Variants in GABRB2 observed in about 807,000 individuals in gnomAD.
The protein encoded by GABRB2 is gamma-aminobutyric acid receptor subunit beta-2.
GABRB2 carries 16 observed loss-of-function variants against 54.7 expected under a neutral mutation model. That is an observed-to-expected ratio of 0.29 (90% CI 0.20 to 0.44). The LOEUF is 0.44. GABRB2 is among the 20% of genes least tolerant of loss of function. The probability of loss-of-function intolerance (pLI) is 1.00; values close to 1 mark genes in which losing one functional copy is unlikely to be tolerated. For synonymous variants in GABRB2, 244 were observed against 233.8 expected, an observed-to-expected ratio of 1.04 and a Z score of -0.40; for missense variants, 355 against 644.0, an observed-to-expected ratio of 0.55 and a Z score of 4.86.
chr5:161,518,068 A>G lies in GABRB2; in HGVS notation c.237+27159T>C, dbSNP rs140391209. ...CGTGATCGGCCCGCCCCAGCCTCCC[A>G]AAGTGCTAGGATTACCGGTGTGAGC... On this transcript the variant is annotated intron_variant, in intron 3 of 9. Transcript: ENST00000393959. Among the ~76,000 whole-genome samples the G allele has an allele frequency of 3.5e-3, 529 of 152,206 alleles. 5 individuals carry two copies. The highest frequency in any genetic ancestry group is 0.012 in the African/African-American group (494 of 41,544).
chr5:161,420,585 G>T (rs1376993127), intron 4 of GABRB2, among the ~76,000 whole-genome samples: 2 of 152,188 alleles, frequency 1.3e-5, no homozygotes, highest in African/African-American at 2.4e-5. Flanking sequence ...TGGCCAGGTT[G>T]CCCTGTCTTG....
intron 4 of GABRB2, among the ~76,000 whole-genome samples, chr5:161,434,035 C>T (rs1161565556): frequency 3.9e-5 from 6 of 151,984 alleles, no homozygotes; most frequent in South Asian, 2.1e-4. Context: ...CCTATGTATT[C>T]GAATTTTAGT....
intron 3 of GABRB2, among the ~76,000 whole-genome samples, chr5:161,510,863 A>G (rs929905985): frequency 1.3e-5 from 2 of 152,014 alleles, no homozygotes; most frequent in African/African-American, 4.8e-5. Context: ...GAGGATTTGT[A>G]TATCTCCAAG....
At chr5:161,501,205 A>G (rs1759428665) in intron 3 of GABRB2, among the ~76,000 whole-genome samples, 1 of 152,208 alleles carries the variant, frequency 6.6e-6, no homozygotes, top group Non-Finnish European at 1.5e-5. Flanking sequence ...CAAGAAAAAA[A>G]TCACAAAGAG....
intron 5 of GABRB2, among the ~76,000 whole-genome samples, chr5:161,358,144 T>C (rs1489021116): frequency 6.6e-6 from 1 of 151,876 alleles, no homozygotes; most frequent in Non-Finnish European, 1.5e-5. Flanking sequence ...TGAGAAAAAA[T>C]TATAAGTAAG....
At chr5:161,419,260 T>C (rs1756777581) in intron 4 of GABRB2, among the ~76,000 whole-genome samples, 1 of 152,152 alleles carries the variant, frequency 6.6e-6, no homozygotes, top group Non-Finnish European at 1.5e-5. Flanking sequence ...CATAATAAGA[T>C]ACCATCTCAT....
intron 4 of GABRB2, among the ~76,000 whole-genome samples, chr5:161,455,925 A>G (rs1757941703): frequency 6.6e-6 from 1 of 152,194 alleles, no homozygotes; most frequent in Non-Finnish European, 1.5e-5. Flanking sequence ...ATATTTTGCA[A>G]TACTTCTTTC....
chr5:161,299,778 A>T (rs904996306), intron 9 of GABRB2, among the ~76,000 whole-genome samples: 12 of 152,166 alleles, frequency 7.9e-5, no homozygotes, highest in Admixed American at 2.0e-4. Context: ...TCTCATTTAA[A>T]GATCTCATTT....
Position 161,508,029 on chromosome 5 carries a change from T to G in GABRB2, c.237+37198A>C, listed in dbSNP as rs191070659. Among the ~76,000 whole-genome samples, 51 of 152,060 alleles carry G rather than the reference T, an allele frequency of 3.4e-4. 1 individual carries two copies. The highest frequency in any genetic ancestry group is 1.2e-3 in the African/African-American group (48 of 41,528). ...TACCCAAGAGGAATGGAAACATATG[T>G]ATGCAAAAAGACTTGAACAAAAAAT... On this transcript the variant is annotated intron_variant, in intron 3 of 9. Transcript: ENST00000393959.
At chr5:161,443,729 G>T (rs1174660874) in intron 4 of GABRB2, among the ~76,000 whole-genome samples, 1 of 152,196 alleles carries the variant, frequency 6.6e-6, no homozygotes, top group Non-Finnish European at 1.5e-5. Context: ...GGCCACCCAT[G>T]TGGTGGACAC....
intron 3 of GABRB2, among the ~76,000 whole-genome samples, chr5:161,494,538 CGTGTGT>C (rs35292247): frequency 0.011 from 1,671 of 146,138 alleles, 24 homozygotes; most frequent in East Asian, 0.036. Context: ...GTTAGGTATG[CGTGTGT>C]GTGTGTGTGT....
intron 3 of GABRB2, among the ~76,000 whole-genome samples, chr5:161,520,001 A>G (rs981176580): frequency 1.1e-4 from 17 of 152,064 alleles, no homozygotes; most frequent in African/African-American, 3.6e-4. Flanking sequence ...TTTCCTCCTT[A>G]TCCAATGTTG....
intron 3 of GABRB2, among the ~76,000 whole-genome samples, chr5:161,463,588 T>TATAG (rs1561659595): frequency 2.5e-5 from 3 of 119,196 alleles, no homozygotes; most frequent in Non-Finnish European, 5.4e-5. Flanking sequence ...TATATATATA[T>TATAG]ATATATATAT....
intron 5 of GABRB2, among the ~76,000 whole-genome samples, chr5:161,405,970 CA>C (rs1756338073): frequency 6.6e-6 from 1 of 152,014 alleles, no homozygotes; most frequent in Non-Finnish European, 1.5e-5. Flanking sequence ...ACACAACAGG[CA>C]CATTTCTATC....
intron 3 of GABRB2, among the ~76,000 whole-genome samples, chr5:161,542,259 C>T (rs1760843662): frequency 1.3e-5 from 2 of 151,988 alleles, no homozygotes; most frequent in South Asian, 4.2e-4. Flanking sequence ...GTGATAATTA[C>T]CAAAATGTGA....
chr5:161,334,201 C>T (rs1753927299), intron 7 of GABRB2, among the ~76,000 whole-genome samples: 1 of 152,058 alleles, frequency 6.6e-6, no homozygotes, highest in Admixed American at 6.6e-5. Context: ...CAAAAATGTT[C>T]ATGAAATGTA....
At chr5:161,483,623 C>T (rs150645280) in intron 3 of GABRB2, among the ~76,000 whole-genome samples, 1 of 151,846 alleles carries the variant, frequency 6.6e-6, no homozygotes, top group Non-Finnish European at 1.5e-5. Context: ...TTCAGAAAGG[C>T]CTACTGTTAA....
At position 161,330,840 on chromosome 5, in the gene GABRB2, C is replaced by T. The variant is rs536097013; in HGVS notation, c.1077+43G>A. Reference sequence around the variant, plus strand: ...ATCAACCTGTATTGCTAGCATTCTTCCATGAGTTTAAGAAGCAAGGAGGGC... The same window carrying T: ...ATCAACCTGTATTGCTAGCATTCTTTCATGAGTTTAAGAAGCAAGGAGGGC... On this transcript the variant is annotated intron_variant, in intron 8 of 9. Coordinates refer to ENST00000393959, the MANE Select transcript of GABRB2 (RefSeq NM_001371727.1). 1.5e-5 allele frequency: 24 copies of T among 1,613,010 alleles called. No individual in the cohort carries two copies. In the South Asian group the frequency reaches 1.8e-4, roughly 12 times the overall value.
At chr5:161,526,924 C>T (rs377136711) in intron 3 of GABRB2, among the ~76,000 whole-genome samples, 29 of 151,348 alleles carry the variant, frequency 1.9e-4, no homozygotes, top group African/African-American at 6.5e-4. Context: ...GAACCAATCC[C>T]GTTGAGAAGT....
Sources: gnomAD v4.1 joint callset for allele counts (sites outside exome capture counted in the v4.1 genomes callset) on GRCh38, gnomAD v4.1.1 for gene constraint, MANE v1.5 for transcripts, NCBI Gene and HGNC (gene_info 2026-07-23, HGNC 2026-07-21) for gene names.